MYH7: variants seen among roughly 807,000 people sequenced by gnomAD.
MYH7 encodes the protein myosin-7.
A neutral mutation model predicts 225.4 loss-of-function variants in MYH7; 129 were observed. The observed-to-expected ratio is 0.57, with a 90% CI of 0.50 to 0.66. MYH7 has a LOEUF of 0.66. MYH7 is among the 30% of genes least tolerant of loss of function. MYH7 has a pLI of 0.00. For synonymous variants in MYH7, 971 were observed against 1,007.6 expected (o/e 0.96, Z 0.69); for missense variants, 1,649 against 2,517.0 (o/e 0.66, Z 7.38).
chr14:23,431,789 C>A lies in MYH7; in HGVS notation c.611G>T (p.Arg204Leu), dbSNP rs397516260. Residue 204 changes from arginine (R) to leucine (L), a missense_variant, in exon 7 of 40, where the codon CGC (arginine) becomes CTC (leucine). By Grantham distance (102) the Arg-to-Leu change is moderately radical. Coordinates refer to ENST00000355349, the MANE Select transcript of MYH7 (RefSeq NM_000257.4). ...GCCCGGGCTCTGGTCCTTCTTGCTG[C>A]GGTCCCCAATGGCTGCAATAACAGC... is the stretch of plus-strand genomic sequence containing the variant. ...YFAVIAAIGD[R>L]SKKDQSPGKG... 3.7e-6 allele frequency: 6 copies of A among 1,614,134 alleles called. No individual in the cohort carries two copies. The highest frequency in any genetic ancestry group is 1.3e-5 in the African/African-American group (1 of 74,940).
chr14:23,417,699 G>A lies in MYH7; in HGVS notation c.4170-13C>T, dbSNP rs748463617. On this transcript the variant is annotated splice_polypyrimidine_tract_variant and intron_variant, in intron 30 of 39. Coordinates refer to ENST00000355349, the MANE Select transcript of MYH7 (RefSeq NM_000257.4). The stretch of plus-strand genomic sequence containing the variant: ...GGCCAGCTTCTTCCTGCCCAGGGGA[G>A]GGTGGCAGAGGGTGGGGAGGATGGA... 1.2e-6 allele frequency: 2 copies of A among 1,612,150 alleles called. No homozygotes were observed. The highest frequency in any genetic ancestry group is 1.7e-6 in the Non-Finnish European group (2 of 1,179,882).
At chr14:23,424,350 A>G (rs573262547) in intron 22 of MYH7, among the ~76,000 whole-genome samples, 108 of 152,332 alleles carry the variant, frequency 7.1e-4, no homozygotes, top group African/African-American at 2.5e-3. Context: ...CAGAGAGGAA[A>G]GGAACCAGAA....
At chr14:23,421,092 C>A (rs777327438) in intron 25 of MYH7, 44 bp from the exon 26 acceptor site, 18 of 1,463,562 alleles carry the variant, frequency 1.2e-5, no homozygotes, top group Non-Finnish European at 1.7e-5. Context: ...ACTCGTGGGG[C>A]CTCAGGAGGG....
chr14:23,413,952 G>C, intron 38 of MYH7, 55 bp downstream of exon 38: 1 of 1,614,202 alleles, frequency 6.2e-7, no homozygotes, highest in Admixed American at 1.7e-5. Context: ...TCCTGGCTTG[G>C]GGGACGAGCT....
At chr14:23,432,293 T>C (rs1892977192) in intron 6 of MYH7, among the ~76,000 whole-genome samples, 186 bp downstream of exon 6, 1 of 150,554 alleles carries the variant, frequency 6.6e-6, no homozygotes, top group African/African-American at 2.5e-5. Context: ...ATGAAGGGGA[T>C]GGAAAGCAGA....
chr14:23,414,191 CT>C (rs1892090955), intron 37 of MYH7, 89 bp from the exon 38 acceptor site: 3 of 1,136,070 alleles, frequency 2.6e-6, no homozygotes, highest in Non-Finnish European at 3.9e-6. Flanking sequence ...ATCTGATATC[CT>C]GACCCAATTC....
chr14:23,435,194 A>G (rs1893093282), intron 1 of MYH7, among the ~76,000 whole-genome samples: 1 of 152,076 alleles, frequency 6.6e-6, no homozygotes, highest in Non-Finnish European at 1.5e-5. Flanking sequence ...ACAGAATCAC[A>G]TGAAGGCATA....
chr14:23,422,574 C>CCTTTCTTTCTTTCTTTCTTT (rs138565959), intron 24 of MYH7, among the ~76,000 whole-genome samples: 9 of 146,784 alleles, frequency 6.1e-5, no homozygotes, highest in African/African-American at 2.1e-4. Context: ...TCTTTCTTTC[C>CCTTTCTTTCTTTCTTTCTTT]CTTTCTTTCT....
At chr14:23,434,852 C>A (rs993226561) in intron 1 of MYH7, among the ~76,000 whole-genome samples, 4 of 152,120 alleles carry the variant, frequency 2.6e-5, no homozygotes, top group African/African-American at 9.7e-5. Context: ...GCCAAACACC[C>A]TCCACAAGCC....
chr14:23,420,323 C>T lies in MYH7; in HGVS notation c.3337-89G>A. On this transcript the variant is annotated intron_variant, in intron 26 of 39. Transcript: ENST00000355349. Reference sequence around the variant, plus strand: ...TAAAAGGCTCTCGGCTTCTCTGGAACAGCAAGTCAGTTTAGCTCTTCCAGT... The same window carrying T: ...TAAAAGGCTCTCGGCTTCTCTGGAATAGCAAGTCAGTTTAGCTCTTCCAGT... 14 of 1,548,486 alleles carry T rather than the reference C, an allele frequency of 9.0e-6. No individual in the cohort carries two copies. In the South Asian group the frequency reaches 9.3e-5, roughly 10 times the overall value.
In MYH7 at chr14:23,415,607, A is replaced by C. The variant is rs1456953190; in HGVS notation, c.5157+22T>G. The stretch of plus-strand genomic sequence containing the variant: ...AGCCCCAGCCTGTGCTCCCTTCAGG[A>C]ATGAGCAGGGGAGCTGCTCACCTGG... On this transcript the variant is annotated intron_variant, in intron 35 of 39. Coordinates refer to ENST00000355349, the MANE Select transcript of MYH7 (RefSeq NM_000257.4). This position sits in a 1 kb window ranked among gnomAD's most constrained non-coding sequence, Gnocchi z 6.3. The C allele has an allele frequency of 6.2e-7, 1 of 1,613,626 alleles. No individual in the cohort carries two copies. Among genetic ancestry groups the C allele is most frequent in the East Asian group, 2.2e-5 (1 of 44,862 alleles).
chr14:23,413,645 C>T (rs1892060243), intron 39 of MYH7, 114 bp downstream of exon 39: 3 of 1,435,318 alleles, frequency 2.1e-6, no homozygotes, highest in Non-Finnish European at 2.9e-6. Flanking sequence ...CCTCTGGGGC[C>T]ATGTGGCTCA....
intron 26 of MYH7, 137 bp downstream of exon 26, chr14:23,420,819 CTG>C: frequency 1.4e-6 from 1 of 715,390 alleles, no homozygotes; most frequent in Non-Finnish European, 2.5e-6. Flanking sequence ...CATGGGCACA[CTG>C]TGATAGCTGC....
chr14:23,429,491 C>T (rs570319937), intron 12 of MYH7, 144 bp from the exon 13 acceptor site: 2 of 891,016 alleles, frequency 2.2e-6, no homozygotes, highest in Admixed American at 2.0e-5. Context: ...ACCTGGCCAA[C>T]ATGATGAAAC....
At position 23,419,221 on chromosome 14, in the gene MYH7, G is replaced by A; in HGVS notation, c.3928C>T (p.Gln1310Ter). 6.2e-7 allele frequency: 1 copy of A among 1,614,206 alleles called. No homozygotes were observed. The highest frequency in any genetic ancestry group is 8.5e-7 in the Non-Finnish European group (1 of 1,180,034). ...QLTRGKLTYT[Q>*]QLEDLKRQLE... ...TGCCTCTTGAGGTCCTCCAGCTGCT[G>A]GGTGTAGGTGAGCTTGCCTCGGGTC... Residue 1310 changes from glutamine (Q) to a stop codon, truncating the protein, a stop_gained, in exon 29 of 40, where the codon CAG becomes TAG. Transcript: ENST00000355349. LOFTEE classifies it high-confidence loss of function.
chr14:23,430,875 G>A (rs1475647585), intron 10 of MYH7, 26 bp downstream of exon 10: 2 of 1,545,910 alleles, frequency 1.3e-6, no homozygotes, highest in Non-Finnish European at 1.8e-6. Flanking sequence ...GGAGATAGTT[G>A]GTCTCAGTCG....
intron 23 of MYH7, 54 bp downstream of exon 23, chr14:23,423,853 T>C (rs747285046): frequency 1.8e-5 from 29 of 1,613,722 alleles, no homozygotes; most frequent in Non-Finnish European, 2.5e-5. Context: ...AAGGTCAGTA[T>C]GGTCTGAGAG....
At position 23,433,744 on chromosome 14, in the gene MYH7, G is replaced by A; in HGVS notation, c.-8-4C>T. The A allele has an allele frequency of 6.2e-7, 1 of 1,613,442 alleles. No homozygotes were observed. The highest frequency in any genetic ancestry group is 1.1e-5 in the South Asian group (1 of 91,046). On this transcript the variant is annotated splice_region_variant and splice_polypyrimidine_tract_variant and intron_variant, in intron 2 of 39. Coordinates refer to ENST00000355349, the MANE Select transcript of MYH7 (RefSeq NM_000257.4). This position sits in a 1 kb window ranked among gnomAD's most constrained non-coding sequence, Gnocchi z 4.1. ...TCCGAATCTCCCATGGCTGTGCCTG[G>A]AGTGAGCAGAAGCTGGCTGCCCTCC...
Position 23,414,110 on chromosome 14 carries a change from C to T in MYH7, c.5560-8G>A, listed in dbSNP as rs1421700682. 6.2e-7 allele frequency: 1 copy of T among 1,610,836 alleles called. No homozygotes were observed. Among genetic ancestry groups the T allele is most frequent in the Non-Finnish European group, 8.5e-7 (1 of 1,179,738 alleles). On this transcript the variant is annotated splice_polypyrimidine_tract_variant and splice_region_variant and intron_variant, in intron 37 of 39. Coordinates refer to ENST00000355349, the MANE Select transcript of MYH7 (RefSeq NM_000257.4). ...TTTCCTGTCCTCCTCCGTCTGGGGGCCAGAGGGTAGGCAGGGGGTGAAGAT... is the reference window on the plus strand; with the variant it reads ...TTTCCTGTCCTCCTCCGTCTGGGGGTCAGAGGGTAGGCAGGGGGTGAAGAT...
Sources: allele counts gnomAD v4.1 joint callset (sites outside exome capture counted in the v4.1 genomes callset), GRCh38; gene constraint gnomAD v4.1.1; non-coding constraint Gnocchi (gnomAD v3.1); transcripts MANE v1.5; gene names NCBI Gene and HGNC (gene_info 2026-07-23, HGNC 2026-07-21).